Variants in COMMD4 observed in about 807,000 individuals in gnomAD.
COMMD4 encodes COMM domain containing 4, also known as COMM domain-containing protein 4.
A neutral mutation model predicts 27.5 loss-of-function variants in COMMD4; 18 were observed. That is an observed-to-expected ratio of 0.65 (90% CI 0.45 to 0.97). COMMD4 has a LOEUF of 0.97. COMMD4 is among the 50% of genes least tolerant of loss of function. The pLI is 0.00. For synonymous variants in COMMD4, 108 were observed against 108.4 expected (o/e 1.00, Z 0.02); for missense variants, 243 against 250.0 (o/e 0.97, Z 0.19).
At chr15:75,336,529 T>C (rs2071197806) in intron 1 of COMMD4, 1 of 337,350 alleles carries the variant, frequency 3.0e-6, no homozygotes. Context: ...CTCCGCTCTT[T>C]CCAGAGCCAG....
At position 75,337,988 on chromosome 15, in the gene COMMD4, T is replaced by C; in HGVS notation, c.4-74T>C. On this transcript the variant is annotated intron_variant, in intron 1 of 7. Coordinates refer to ENST00000267935, the MANE Select transcript of COMMD4 (RefSeq NM_017828.5). ...ACCAGGGGTCCCTGGTGGGCAGCAG[T>C]GTGGGAGACACACGGATCCTGGCCA... The C allele has an allele frequency of 2.1e-6, 3 of 1,452,856 alleles. No individual in the cohort carries two copies. In the South Asian group the frequency reaches 3.7e-5, roughly 18 times the overall value. The allele number at this position is 1,452,856 out of a possible 1,614,324, so 90.0% of individuals were successfully genotyped here.
chr15:75,338,034 C>T, intron 1 of COMMD4, 28 bp from the exon 2 acceptor site: 1 of 1,590,818 alleles, frequency 6.3e-7, no homozygotes, highest in Non-Finnish European at 8.6e-7. Context: ...CTCCCTCCAG[C>T]CTGATTACCT....
chr15:75,338,720 A>G (rs1192783493), intron 4 of COMMD4, 35 bp downstream of exon 4: 2 of 1,606,724 alleles, frequency 1.2e-6, no homozygotes, highest in Non-Finnish European at 1.7e-6. Context: ...GCCCCAGGCA[A>G]CCCTGGGAAC....
rs1268949947 is a variant in COMMD4, at chr15:75,338,070, G to C, written c.12G>C (p.Arg4=). ...GCCTCCCTCCCTTGCAGAGGTTCCGGTTCTGTGGTGATCTGGACTGTCCCG... is the reference window on the plus strand; with the variant it reads ...GCCTCCCTCCCTTGCAGAGGTTCCGCTTCTGTGGTGATCTGGACTGTCCCG... The part of the protein sequence containing the change: MRF[R]FCGDLDCPDW... Residue 4 remains arginine, a synonymous_variant, in exon 2 of 8, where the codon CGG becomes CGC. Coordinates refer to ENST00000267935, the MANE Select transcript of COMMD4 (RefSeq NM_017828.5). 1.5e-4 allele frequency: 236 copies of C among 1,606,608 alleles called. No homozygotes were observed. The East Asian group carries it at 4.8e-3, about 33-fold the overall frequency.
chr15:75,340,719 C>T (rs1177547794), downstream of COMMD4: 1 of 151,992 alleles, frequency 6.6e-6, no homozygotes, highest in East Asian at 1.9e-4. Flanking sequence ...TCACCACAAC[C>T]TCTGCCTCCT....
downstream of COMMD4, among the ~76,000 whole-genome samples, chr15:75,340,487 C>T (rs1411680454): frequency 2.0e-5 from 3 of 152,208 alleles, no homozygotes; most frequent in Non-Finnish European, 4.4e-5. Context: ...ATGCTCTTGG[C>T]TCTGCTGTCT....
rs774000839 is a variant in COMMD4 at position 75,339,872 on chromosome 15, C to A, written c.553C>A (p.Leu185Met). Residue 185 changes from leucine to methionine, a missense_variant, in exon 7 of 8, where the codon CTG becomes ATG. By Grantham distance (15) the Leu-to-Met change is conservative (BLOSUM62 2). Coordinates refer to ENST00000267935, the MANE Select transcript of COMMD4 (RefSeq NM_017828.5). ...SLSADKFQVL[L>M]AELKQAQTLM... ...CTCAGCAGACAAGTTCCAGGTCCTC[C>A]TGGCAGGTGAGGCTCAGCTATTCCT... 5 of 1,612,986 alleles carry A rather than the reference C, an allele frequency of 3.1e-6. No individual in the cohort carries two copies. The highest frequency in any genetic ancestry group is 4.2e-6 in the Non-Finnish European group (5 of 1,179,132).
chr15:75,336,262 G>A, intron 1 of COMMD4, 170 bp downstream of exon 1: 1 of 1,508,606 alleles, frequency 6.6e-7, no homozygotes, highest in South Asian at 1.3e-5. Flanking sequence ...TCCCGCTCCC[G>A]AGACGGGGGC....
chr15:75,337,910 A>T (rs2071269664), intron 1 of COMMD4, 152 bp from the exon 2 acceptor site: 1 of 742,830 alleles, frequency 1.3e-6, no homozygotes, highest in African/African-American at 1.8e-5. Context: ...TTTACTCAAC[A>T]GCCTGGTGAT....
intron 6 of COMMD4, 98 bp from the exon 7 acceptor site, chr15:75,339,604 A>C (rs757719273): frequency 8.8e-6 from 12 of 1,360,504 alleles, no homozygotes; most frequent in Admixed American, 7.1e-5. Flanking sequence ...CTTAGAGGCC[A>C]CATAGCCTTG....
intron 3 of COMMD4, 102 bp downstream of exon 3, chr15:75,338,522 A>G (rs2071307076): frequency 2.6e-6 from 4 of 1,567,820 alleles, no homozygotes; most frequent in South Asian, 1.1e-5. Flanking sequence ...CAGCCTCTCA[A>G]CCTCTCTGGG....
At chr15:75,342,169 G>A (rs896066654), downstream of COMMD4, 11 of 149,884 alleles carry the variant, frequency 7.3e-5, no homozygotes, top group African/African-American at 2.7e-4. Context: ...TGACTTGGAT[G>A]AACCTAGACG....
rs771105816 is a variant in COMMD4 at position 75,338,676 on chromosome 15, G to A, written c.172G>A (p.Ala58Thr). The A allele has an allele frequency of 7.4e-6, 12 of 1,613,604 alleles. No homozygotes were observed. Among genetic ancestry groups the A allele is most frequent in the South Asian group, 3.3e-5 (3 of 90,948 alleles). Residue 58 changes from alanine to threonine, a missense_variant, in exon 4 of 8, where the codon GCC becomes ACC. Transcript: ENST00000267935. ...YEKILKLTAD[A>T]KFESGDVKAT... ...GAAGATCCTGAAGCTCACGGCTGAC[G>A]CCAAGTTTGGTGAGTATCCCGCTGA... is the stretch of plus-strand genomic sequence containing the variant.
At chr15:75,337,958 CG>C (rs2141288834) in intron 1 of COMMD4, 103 bp from the exon 2 acceptor site, 1 of 1,164,810 alleles carries the variant, frequency 8.6e-7, no homozygotes, top group East Asian at 2.6e-5. Context: ...CCATCTATGT[CG>C]GGGACCAGGG....
At chr15:75,341,385 C>G (rs769899601), downstream of COMMD4, 2 of 152,174 alleles carry the variant, frequency 1.3e-5, no homozygotes, top group Admixed American at 6.5e-5. Flanking sequence ...AGGAACCTAT[C>G]GAAGAATAAT....
At position 75,339,297 on chromosome 15, in the gene COMMD4, A is replaced by G. The variant is rs775898144; in HGVS notation, c.335A>G (p.Glu112Gly). 6.2e-7 allele frequency: 1 copy of G among 1,612,198 alleles called. No homozygotes were observed. The highest frequency in any genetic ancestry group is 1.7e-5 in the Admixed American group (1 of 60,024). ...HAASLCRCYE[E>G]KQSPLQKHLR... ...GCCAGCCTGTGCCGCTGTTATGAGG[A>G]GAAGCAAAGCCCCTTGCAGAAGCAC... The change falls in exon 6 of 8, where the codon GAG (glutamate) becomes GGG (glycine). Residue 112 changes from glutamate (E) to glycine (G), a missense_variant. Transcript: ENST00000267935.
At chr15:75,336,370 T>G in intron 1 of COMMD4, 7 of 1,102,816 alleles carry the variant, frequency 6.3e-6, no homozygotes, top group Non-Finnish European at 8.7e-6. Flanking sequence ...GGGCAGGAAC[T>G]AGGGCTTGTC....
chr15:75,340,741 ATTC>A (rs921552026), downstream of COMMD4: 19 of 151,146 alleles, frequency 1.3e-4, no homozygotes, highest in African/African-American at 4.4e-4. Flanking sequence ...GGTTCAAGCA[ATTC>A]TTCTGCCTCA....
chr15:75,338,740 T>G (rs1396989970), intron 4 of COMMD4, 55 bp downstream of exon 4: 1 of 1,586,184 alleles, frequency 6.3e-7, no homozygotes, highest in Non-Finnish European at 8.6e-7. Context: ...CTTGGCCTGG[T>G]GCCTGGTACA....
Sources: allele counts gnomAD v4.1 joint callset (sites outside exome capture counted in the v4.1 genomes callset), GRCh38; gene constraint gnomAD v4.1.1; transcripts MANE v1.5; gene names NCBI Gene and HGNC (gene_info 2026-07-23, HGNC 2026-07-21).